The following FSTL4 variants were observed in gnomAD, a reference collection of about 807,000 sequenced individuals.
The protein encoded by FSTL4 is follistatin-related protein 4.
In FSTL4, 28 loss-of-function variants were observed where a neutral mutation model predicts 78.2. The observed-to-expected ratio is 0.36, with a 90% confidence interval of 0.27 to 0.49. The LOEUF is 0.49. Ranked by LOEUF, FSTL4 falls within the 20% of genes least tolerant of loss-of-function variation. FSTL4 has a pLI of 0.98. For synonymous variants in FSTL4, 422 were observed against 440.5 expected (o/e 0.96, Z 0.53); for missense variants, 922 against 1,084.9 (o/e 0.85, Z 2.11).
At chr5:133,723,770 T>C in the FSTL4 span, among the ~76,000 whole-genome samples, 1 of 152,150 alleles carries the variant, frequency 6.6e-6, no homozygotes, top group Non-Finnish European at 1.5e-5. Context: ...TAGGTCATCA[T>C]GTCTGCTATG....
chr5:133,249,543 C>G lies in FSTL4; in HGVS notation c.761G>C (p.Arg254Thr). The G allele has an allele frequency of 6.2e-7, 1 of 1,613,526 alleles. No homozygotes were observed. ...CACGGTCACTGTGGTCACACTGACC[C>G]TGTCCTCGGGGGCGAGGCTGAGCTG... ...VVQLSLAPED[R>T]VSVTTVTVGL... Residue 254 changes from arginine (R) to threonine (T), a missense_variant, in exon 7 of 16, where the codon AGG (arginine) becomes ACG (threonine). By Grantham distance (71) the Arg-to-Thr change is moderately conservative. Coordinates refer to ENST00000265342, the MANE Select transcript of FSTL4 (RefSeq NM_015082.2).
intron 4 of FSTL4, chr5:133,334,082 TC>T (rs1227998732): frequency 6.6e-6 from 1 of 152,278 alleles, no homozygotes; most frequent in Non-Finnish European, 1.5e-5. Flanking sequence ...TTGTATCGCT[TC>T]CACTCAAAAG....
At chr5:133,436,363 C>T (rs1757031266) in intron 3 of FSTL4, among the ~76,000 whole-genome samples, 1 of 152,050 alleles carries the variant, frequency 6.6e-6, no homozygotes, top group African/African-American at 2.4e-5. Context: ...GGGAGTGCTC[C>T]AGATGGAGGA....
chr5:133,278,250 C>T (rs1372432016), intron 6 of FSTL4, among the ~76,000 whole-genome samples: 1 of 152,154 alleles, frequency 6.6e-6, no homozygotes, highest in Non-Finnish European at 1.5e-5. Context: ...GGCCTGTCTC[C>T]CTAGAGCTCT....
intron 6 of FSTL4, among the ~76,000 whole-genome samples, chr5:133,273,130 C>A (rs899330075): frequency 6.6e-6 from 1 of 152,200 alleles, no homozygotes; most frequent in African/African-American, 2.4e-5. Context: ...CCTCTGTTCT[C>A]TCCAGGGAAG....
At position 133,234,442 on chromosome 5, in the gene FSTL4, C is replaced by T. The variant is rs79038201; in HGVS notation, c.895-905G>A. Among the ~76,000 whole-genome samples the T allele has an allele frequency of 7.7e-4, 118 of 152,298 alleles. No homozygotes were observed. The East Asian group carries it at 0.021, about 28-fold the overall frequency. On this transcript the variant is annotated intron_variant, in intron 7 of 15. Transcript: ENST00000265342. Reference sequence around the variant, plus strand: ...GGCTGCATCAGAGTCCCCTGATGAGCACTGGGCACCAAGCACTTGCCCAGT... The same window carrying T: ...GGCTGCATCAGAGTCCCCTGATGAGTACTGGGCACCAAGCACTTGCCCAGT...
At chr5:133,569,938 G>A (rs1056329803) in intron 2 of FSTL4, among the ~76,000 whole-genome samples, 8 of 152,148 alleles carry the variant, frequency 5.3e-5, no homozygotes, top group Admixed American at 2.0e-4. Flanking sequence ...GCCCGGGCGC[G>A]GTGGCTCTCA....
the FSTL4 span, among the ~76,000 whole-genome samples, chr5:133,662,965 T>C: frequency 3.4e-5 from 4 of 116,056 alleles, no homozygotes; most frequent in Non-Finnish European, 6.8e-5. Flanking sequence ...AGCATTACCC[T>C]GAGTTAAAAA....
At chr5:133,263,969 G>T (rs1455866963) in intron 6 of FSTL4, among the ~76,000 whole-genome samples, 1 of 152,186 alleles carries the variant, frequency 6.6e-6, no homozygotes. Context: ...TGAACCCAAT[G>T]GTGGAAAGAT....
At chr5:133,358,378 C>G (rs988953068) in intron 4 of FSTL4, among the ~76,000 whole-genome samples, 3 of 152,040 alleles carry the variant, frequency 2.0e-5, no homozygotes, top group Admixed American at 6.6e-5. Flanking sequence ...CCTGGGAAGG[C>G]TGATTAGAGG....
chr5:133,749,462 G>T, the FSTL4 span, among the ~76,000 whole-genome samples: 1 of 152,222 alleles, frequency 6.6e-6, no homozygotes, highest in African/African-American at 2.4e-5. Context: ...GTGAAGACTG[G>T]ATTTCAGCCA....
intron 2 of FSTL4, among the ~76,000 whole-genome samples, chr5:133,601,079 C>CTT (rs1760857486): frequency 2.6e-5 from 4 of 152,286 alleles, no homozygotes; most frequent in South Asian, 2.1e-4. Context: ...CAAGCCTGTC[C>CTT]GGCCTGCAGG....
the FSTL4 span, among the ~76,000 whole-genome samples, chr5:133,635,206 G>C: frequency 6.6e-6 from 1 of 152,146 alleles, no homozygotes; most frequent in Non-Finnish European, 1.5e-5. Flanking sequence ...GTTTCAGGAG[G>C]CTTCAGTGAT....
the FSTL4 span, among the ~76,000 whole-genome samples, chr5:133,748,751 C>G: frequency 2.0e-5 from 3 of 152,182 alleles, no homozygotes; most frequent in Non-Finnish European, 2.9e-5. Context: ...CAGGCACACT[C>G]CACATCGTGA....
At chr5:133,408,955 G>A (rs1044421110) in intron 3 of FSTL4, among the ~76,000 whole-genome samples, 3 of 152,190 alleles carry the variant, frequency 2.0e-5, no homozygotes, top group Non-Finnish European at 4.4e-5. Flanking sequence ...ATGAACATGT[G>A]GGGTAGTTGC....
At chr5:133,596,811 C>A (rs1280334533) in intron 2 of FSTL4, among the ~76,000 whole-genome samples, 1 of 152,226 alleles carries the variant, frequency 6.6e-6, no homozygotes, top group Admixed American at 6.5e-5. Context: ...CTCAGCCCCG[C>A]AGGCCACTCA....
chr5:133,591,809 G>A (rs1432438184), intron 2 of FSTL4, among the ~76,000 whole-genome samples: 1 of 152,092 alleles, frequency 6.6e-6, no homozygotes, highest in Admixed American at 6.5e-5. Context: ...GGCTCAGAAG[G>A]GAGTTGGGAG....
At chr5:133,735,433 C>T in the FSTL4 span, among the ~76,000 whole-genome samples, 5 of 152,274 alleles carry the variant, frequency 3.3e-5, no homozygotes, top group East Asian at 9.6e-4. Flanking sequence ...CACTGCATTC[C>T]AGCCTGGTGA....
intron 6 of FSTL4, among the ~76,000 whole-genome samples, chr5:133,254,194 G>A (rs538808579): frequency 2.6e-5 from 4 of 152,384 alleles, no homozygotes; most frequent in African/African-American, 9.6e-5. Flanking sequence ...GGAGGTGGAA[G>A]AGGTTGCAGG....
Sources: gnomAD v4.1 joint callset for allele counts (sites outside exome capture counted in the v4.1 genomes callset) on GRCh38, gnomAD v4.1.1 for gene constraint, MANE v1.5 for transcripts, NCBI Gene and HGNC (gene_info 2026-07-23, HGNC 2026-07-21) for gene names.